Variants in CLSTN2 observed in about 807,000 individuals in gnomAD.
CLSTN2 encodes calsyntenin 2.
A neutral mutation model predicts 101.2 loss-of-function variants in CLSTN2; 48 were observed. The observed-to-expected ratio is 0.47, with a 90% confidence interval of 0.38 to 0.60. The LOEUF (loss-of-function observed/expected upper bound fraction) is 0.60. CLSTN2 is among the 20% of genes least tolerant of loss of function. The probability of loss-of-function intolerance (pLI) is 0.00; values close to 1 mark genes in which losing one functional copy is unlikely to be tolerated. For missense variants in CLSTN2, 1,160 were observed against 1,238.2 expected, an observed-to-expected ratio of 0.94 and a Z score of 0.95; for synonymous variants, 481 against 463.6, an observed-to-expected ratio of 1.04 and a Z score of -0.48.
At position 140,199,564 on chromosome 3, in the gene CLSTN2, A is replaced by G. The variant is rs539936645; in HGVS notation, c.232+23491A>G. Among the ~76,000 whole-genome samples the G allele has an allele frequency of 3.9e-5, 6 of 152,342 alleles. No individual in the cohort carries two copies. The East Asian group carries it at 9.6e-4, about 24-fold the overall frequency. The stretch of plus-strand genomic sequence containing the variant: ...AATCATCAGGGGTGCTTATCAAACT[A>G]GGAGCCGCCCAGGCCCCTGCCCACC... On this transcript the variant is annotated intron_variant, in intron 2 of 16. Coordinates refer to ENST00000458420, the MANE Select transcript of CLSTN2 (RefSeq NM_022131.3).
At chr3:140,149,235 A>G (rs540670409) in intron 1 of CLSTN2, among the ~76,000 whole-genome samples, 2 of 151,872 alleles carry the variant, frequency 1.3e-5, no homozygotes, top group South Asian at 4.2e-4. Flanking sequence ...TCAAGTATCT[A>G]CTCCTACAGG....
chr3:140,439,725 ACACACACACGTGCACGTGCACACACACG>A (rs1275295990), intron 5 of CLSTN2, among the ~76,000 whole-genome samples: 2 of 146,506 alleles, frequency 1.4e-5, no homozygotes, highest in Non-Finnish European at 3.0e-5. Flanking sequence ...GCACATGCAA[ACACACACACGTGCACGTGCACACACACG>A]CACACACACA....
At chr3:140,353,590 A>G (rs554145380) in intron 2 of CLSTN2, among the ~76,000 whole-genome samples, 11 of 152,278 alleles carry the variant, frequency 7.2e-5, no homozygotes, top group African/African-American at 2.6e-4. Context: ...CCCAGGATCA[A>G]TACTTCGCAT....
At chr3:140,510,770 T>C (rs1412457174) in intron 8 of CLSTN2, among the ~76,000 whole-genome samples, 1 of 152,204 alleles carries the variant, frequency 6.6e-6, no homozygotes, top group African/African-American at 2.4e-5. Context: ...GGGAAGATCT[T>C]GAATAGATTT....
chr3:140,015,879 T>C (rs1390780684), intron 1 of CLSTN2, among the ~76,000 whole-genome samples: 1 of 152,212 alleles, frequency 6.6e-6, no homozygotes, highest in Non-Finnish European at 1.5e-5. Context: ...TCCTATGCCA[T>C]TGTAATTGAC....
intron 2 of CLSTN2, among the ~76,000 whole-genome samples, chr3:140,253,039 C>T (rs79577773): frequency 0.014 from 2,080 of 152,220 alleles, 25 homozygotes; most frequent in Non-Finnish European, 0.021. Context: ...TGCATGTGTA[C>T]CTAAGAAGAC....
At chr3:139,974,226 C>T (rs1347845459) in intron 1 of CLSTN2, among the ~76,000 whole-genome samples, 2 of 152,128 alleles carry the variant, frequency 1.3e-5, no homozygotes, top group African/African-American at 4.8e-5. Context: ...AGGGTGAAGA[C>T]GCAGGCTTTG....
chr3:140,292,048 C>T (rs186329457), intron 2 of CLSTN2, among the ~76,000 whole-genome samples: 31 of 152,138 alleles, frequency 2.0e-4, no homozygotes, highest in Non-Finnish European at 4.0e-4. Context: ...CATCTTTCTC[C>T]CCTCCTCAAT....
At chr3:140,436,424 T>C (rs2088688125) in intron 5 of CLSTN2, among the ~76,000 whole-genome samples, 1 of 152,230 alleles carries the variant, frequency 6.6e-6, no homozygotes, top group African/African-American at 2.4e-5. Flanking sequence ...TTATTAGAGA[T>C]GTGGTGAGGT....
rs543583720 is a variant in CLSTN2, at chr3:140,457,626, G to C, written c.974-1895G>C. Among the ~76,000 whole-genome samples the C allele has an allele frequency of 9.8e-5, 15 of 152,328 alleles. No individual in the cohort carries two copies. In the South Asian group the frequency reaches 2.9e-3, roughly 29 times the overall value. ...AAGTAACATGGATATCAATTAAGGA[G>C]TTAGCAGCAGGGGGTGAGAACAGGT... is the stretch of plus-strand genomic sequence containing the variant. On this transcript the variant is annotated intron_variant, in intron 6 of 16. Coordinates refer to ENST00000458420, the MANE Select transcript of CLSTN2 (RefSeq NM_022131.3).
At chr3:140,354,881 A>G (rs1409311059) in intron 2 of CLSTN2, among the ~76,000 whole-genome samples, 1 of 152,148 alleles carries the variant, frequency 6.6e-6, no homozygotes, top group Non-Finnish European at 1.5e-5. Context: ...ACTTCTGGAG[A>G]ATGGTGCCCC....
At chr3:140,285,156 G>T (rs1017693759) in intron 2 of CLSTN2, among the ~76,000 whole-genome samples, 1 of 152,128 alleles carries the variant, frequency 6.6e-6, no homozygotes, top group Non-Finnish European at 1.5e-5. Context: ...TGCAATGTTG[G>T]GAATGTTCTC....
Position 140,244,322 on chromosome 3 carries a change from T to C in CLSTN2, c.232+68249T>C, listed in dbSNP as rs535287786. The stretch of plus-strand genomic sequence containing the variant: ...GTGGTAGTCAGCTAGAAGGGAATTA[T>C]TGTAGTGTGAAGCCAAACTGACATC... On this transcript the variant is annotated intron_variant, in intron 2 of 16. Coordinates refer to ENST00000458420, the MANE Select transcript of CLSTN2 (RefSeq NM_022131.3). Among the ~76,000 whole-genome samples, 14 of 152,342 alleles carry C rather than the reference T, an allele frequency of 9.2e-5. No individual in the cohort carries two copies. In the South Asian group the frequency reaches 2.9e-3, roughly 32 times the overall value.
rs185113002 is a variant in CLSTN2, at chr3:140,352,974, A to G, written c.233-50655A>G. On this transcript the variant is annotated intron_variant, in intron 2 of 16. Transcript: ENST00000458420. ...TTGGAAAAAAATTATATCTGTACTG[A>G]ACCTGTGTAAACTGTTTTTCTTGTC... 3.0e-4 allele frequency among the ~76,000 whole-genome samples: 45 copies of G among 152,274 alleles called. No homozygotes were observed. In the Middle Eastern group the frequency reaches 0.01, roughly 35 times the overall value.
At chr3:140,031,826 A>G (rs879621502) in intron 1 of CLSTN2, among the ~76,000 whole-genome samples, 3 of 152,228 alleles carry the variant, frequency 2.0e-5, no homozygotes, top group Admixed American at 2.0e-4. Context: ...ATGGTTATTA[A>G]GAGGCAAAGC....
chr3:140,170,260 A>T (rs1408295584), intron 1 of CLSTN2, among the ~76,000 whole-genome samples: 1 of 152,238 alleles, frequency 6.6e-6, no homozygotes, highest in African/African-American at 2.4e-5. Context: ...TGGCTCATCC[A>T]TGAATGATAT....
At chr3:140,110,844 T>TCTTTC (rs2009143703) in intron 1 of CLSTN2, among the ~76,000 whole-genome samples, 1 of 152,198 alleles carries the variant, frequency 6.6e-6, no homozygotes, top group African/African-American at 2.4e-5. Context: ...TTCTCTTCTT[T>TCTTTC]CTTTCCTCAT....
At chr3:139,949,303 G>C (rs1219330284) in intron 1 of CLSTN2, among the ~76,000 whole-genome samples, 2 of 152,176 alleles carry the variant, frequency 1.3e-5, no homozygotes, top group Non-Finnish European at 2.9e-5. Context: ...GAGCTCCCTG[G>C]AACCCAGCTC....
intron 2 of CLSTN2, among the ~76,000 whole-genome samples, chr3:140,304,256 G>T (rs531227793): frequency 6.6e-6 from 1 of 152,288 alleles, no homozygotes; most frequent in South Asian, 2.1e-4. Context: ...AGTTACAAGT[G>T]AAGTCTTCTG....
Sources: allele counts gnomAD v4.1 joint callset (sites outside exome capture counted in the v4.1 genomes callset), GRCh38; gene constraint gnomAD v4.1.1; transcripts MANE v1.5; gene names NCBI Gene and HGNC (gene_info 2026-07-23, HGNC 2026-07-21).